Variants in ANXA4 observed in about 807,000 individuals in gnomAD.
ANXA4 encodes the protein annexin A4, also known as 35-beta calcimedin.
In ANXA4, 39 loss-of-function variants were observed where a neutral mutation model predicts 49.8. That is an observed-to-expected ratio of 0.78 (90% CI 0.61 to 1.02). The LOEUF (loss-of-function observed/expected upper bound fraction) is 1.02. Among genes scored for constraint, ANXA4 ranks in the 50% least tolerant of loss-of-function variants. ANXA4 has a pLI of 0.00. For missense variants in ANXA4, 360 were observed against 410.1 expected, an observed-to-expected ratio of 0.88 and a Z score of 1.05; for synonymous variants, 134 against 152.5, an observed-to-expected ratio of 0.88 and a Z score of 0.89.
intron 1 of ANXA4, among the ~76,000 whole-genome samples, chr2:69,778,775 C>CAAAAAAA (rs58688910): frequency 2.7e-5 from 1 of 36,564 alleles, no homozygotes; most frequent in African/African-American, 9.5e-5. Context: ...AACTCTGTCT[C>CAAAAAAA]AAAAAAAAAA....
At chr2:69,678,887 A>G (rs1471458670) in intron 2 of ANXA4, among the ~76,000 whole-genome samples, 1 of 152,158 alleles carries the variant, frequency 6.6e-6, no homozygotes, top group Non-Finnish European at 1.5e-5. Context: ...TTATTGATTA[A>G]TAGTGATATT....
Position 69,775,920 on chromosome 2 carries a change from G to T in ANXA4, c.-46-5600G>T, listed in dbSNP as rs74580560. ...TAGATAAGTTAAAGCTTGAGTGAAT[G>T]GCTTCTATCATTTTCTTCCAGGCCA... is the stretch of plus-strand genomic sequence containing the variant. On this transcript the variant is annotated intron_variant, in intron 1 of 12. Transcript: ENST00000394295. 7.7e-3 allele frequency among the ~76,000 whole-genome samples: 1,175 copies of T among 151,624 alleles called. 25 individuals carry two copies. Among genetic ancestry groups the T allele is most frequent in the African/African-American group, 0.027 (1,133 of 41,288 alleles).
chr2:69,770,677 A>G (rs149855274), intron 1 of ANXA4, among the ~76,000 whole-genome samples: 100 of 152,316 alleles, frequency 6.6e-4, no homozygotes, highest in African/African-American at 2.2e-3. Flanking sequence ...TCAGCACGAC[A>G]AGAAAGGGAG....
At chr2:69,769,788 G>A (rs1023052326) in intron 1 of ANXA4, among the ~76,000 whole-genome samples, 3 of 152,016 alleles carry the variant, frequency 2.0e-5, no homozygotes, top group South Asian at 2.1e-4. Flanking sequence ...TCAGACTCCC[G>A]GGTAGCTGGG....
Position 69,755,472 on chromosome 2 carries a change from A to C in ANXA4, c.-47+13297A>C, listed in dbSNP as rs528297373. ...CTGTCCCTACAAAAATTAGCCACGC[A>C]TGGTGGCCTGCACCTGTAGTCCCAG... On this transcript the variant is annotated intron_variant, in intron 1 of 12. Transcript: ENST00000394295. Among the ~76,000 whole-genome samples the C allele has an allele frequency of 1.2e-4, 18 of 152,258 alleles. No homozygotes were observed. In the East Asian group the frequency reaches 3.5e-3, roughly 29 times the overall value.
intron 2 of ANXA4, chr2:69,653,425 A>C (rs909499273): frequency 2.6e-5 from 4 of 152,248 alleles, no homozygotes; most frequent in Non-Finnish European, 5.9e-5. Context: ...GTCCAGGTAA[A>C]CTGGAACATA....
chr2:69,726,092 G>A (rs1450758334), intron 3 of ANXA4, among the ~76,000 whole-genome samples: 4 of 152,142 alleles, frequency 2.6e-5, no homozygotes, highest in South Asian at 4.1e-4. Context: ...ATCTCATCTC[G>A]AATTGTAATC....
upstream of ANXA4, among the ~76,000 whole-genome samples, chr2:69,740,859 T>G (rs921031931): frequency 6.3e-5 from 9 of 142,894 alleles, no homozygotes; most frequent in African/African-American, 2.2e-4. Flanking sequence ...ATATATGTTT[T>G]TTTTTTTTTT....
intron 2 of ANXA4, among the ~76,000 whole-genome samples, chr2:69,667,520 C>T (rs369815283): frequency 6.3e-4 from 95 of 151,750 alleles, no homozygotes; most frequent in African/African-American, 2.2e-3. Flanking sequence ...TAGACTGATT[C>T]AGTCCGATGT....
intron 3 of ANXA4, among the ~76,000 whole-genome samples, chr2:69,789,714 G>T (rs1238049229): frequency 1.3e-5 from 2 of 152,108 alleles, no homozygotes; most frequent in Non-Finnish European, 2.9e-5. Flanking sequence ...AGGGTCCAGT[G>T]GTTTGGTTGG....
At chr2:69,809,074 A>G (rs1401250879) in intron 6 of ANXA4, 1 of 152,230 alleles carries the variant, frequency 6.6e-6, no homozygotes, top group African/African-American at 2.4e-5. Flanking sequence ...AGTTAATAAC[A>G]CAGTATTTTT....
intron 5 of ANXA4, among the ~76,000 whole-genome samples, chr2:69,807,690 T>A (rs1673504202): frequency 6.6e-6 from 1 of 152,194 alleles, no homozygotes; most frequent in South Asian, 2.1e-4. Flanking sequence ...AACGAACACA[T>A]AATAAACAGC....
intron 2 of ANXA4, among the ~76,000 whole-genome samples, chr2:69,703,952 A>G (rs1325807180): frequency 6.6e-6 from 1 of 152,032 alleles, no homozygotes; most frequent in African/African-American, 2.4e-5. Flanking sequence ...AAATGTTTTA[A>G]TTCTTGTAAC....
At chr2:69,644,748 C>G (rs1032932268) in exon 1 of ANXA4, 1 of 152,242 alleles carries the variant, frequency 6.6e-6, no homozygotes, top group Non-Finnish European at 1.5e-5. Context: ...TTCACTAGCT[C>G]CCTTGCACAC....
chr2:69,740,680 C>CTTTTTTTT (rs3077548), upstream of ANXA4, among the ~76,000 whole-genome samples: 35 of 75,760 alleles, frequency 4.6e-4, 3 homozygotes, highest in African/African-American at 1.2e-3. Flanking sequence ...CTTTCTTCCT[C>CTTTTTTTT]TTTTTTTTTT....
chr2:69,790,998 A>T (rs1016092206), intron 3 of ANXA4, among the ~76,000 whole-genome samples: 1 of 152,228 alleles, frequency 6.6e-6, no homozygotes, highest in Non-Finnish European at 1.5e-5. Flanking sequence ...ATTTGCATAA[A>T]GTACAGCAAG....
chr2:69,773,644 TTG>T (rs1157229934), intron 1 of ANXA4, among the ~76,000 whole-genome samples: 99 of 138,708 alleles, frequency 7.1e-4, no homozygotes, highest in African/African-American at 2.7e-3. Context: ...TTTTTTTTTT[TTG>T]TTTTCGACAG....
chr2:69,718,587 G>T (rs1669714462), intron 2 of ANXA4, among the ~76,000 whole-genome samples: 1 of 152,158 alleles, frequency 6.6e-6, no homozygotes, highest in Non-Finnish European at 1.5e-5. Flanking sequence ...TGGCTCCAGG[G>T]CTTTATACCT....
intron 1 of ANXA4, among the ~76,000 whole-genome samples, chr2:69,768,330 G>A (rs1671575989): frequency 6.6e-6 from 1 of 152,226 alleles, no homozygotes; most frequent in Non-Finnish European, 1.5e-5. Flanking sequence ...CAGCTCTCCT[G>A]ATGGTTACAG....
Sources: allele counts gnomAD v4.1 joint callset (sites outside exome capture counted in the v4.1 genomes callset), GRCh38; gene constraint gnomAD v4.1.1; transcripts MANE v1.5; gene names NCBI Gene and HGNC (gene_info 2026-07-23, HGNC 2026-07-21).